ELP4: variants seen among roughly 807,000 people sequenced by gnomAD.
ELP4 encodes the protein elongator complex protein 4.
A neutral mutation model predicts 48.9 loss-of-function variants in ELP4; 51 were observed. The ratio of observed to expected loss-of-function variants is 1.04; its 90% CI spans 0.83 to 1.32. ELP4 has a LOEUF of 1.32. ELP4 is among the 40% of genes most tolerant of loss of function. ELP4 has a pLI of 0.00. For missense variants in ELP4, 519 were observed against 514.6 expected (o/e 1.01, Z -0.08); for synonymous variants, 210 against 189.2 (o/e 1.11, Z -0.90).
At chr11:31,682,119 C>T (rs1287165608) in intron 9 of ELP4, 11 of 1,207,466 alleles carry the variant, frequency 9.1e-6, no homozygotes, top group East Asian at 1.5e-4. Flanking sequence ...GTAATGTCAG[C>T]GTCCCATCCA....
At chr11:31,606,367 T>A (rs1203318495) in intron 5 of ELP4, among the ~76,000 whole-genome samples, 1 of 152,130 alleles carries the variant, frequency 6.6e-6, no homozygotes, top group Admixed American at 6.6e-5. Context: ...TTATCTATAC[T>A]TTTCCTATAA....
chr11:31,752,833 CAAAA>C (rs35352597), intron 9 of ELP4, among the ~76,000 whole-genome samples: 6 of 92,756 alleles, frequency 6.5e-5, no homozygotes, highest in Non-Finnish European at 9.9e-5. Flanking sequence ...GACTCCATCT[CAAAA>C]AAAAAAAAAA....
intron 3 of ELP4, among the ~76,000 whole-genome samples, chr11:31,548,791 T>C (rs1956782899): frequency 6.6e-6 from 1 of 152,118 alleles, no homozygotes; most frequent in Non-Finnish European, 1.5e-5. Context: ...AACAGAGATA[T>C]AGATCAATGG....
intron 3 of ELP4, chr11:31,573,467 G>A (rs1231320554): frequency 2.0e-5 from 3 of 152,084 alleles, no homozygotes. Context: ...TCACAGTTTT[G>A]GAGACTAGGA....
chr11:31,545,274 C>G (rs1161562701), intron 3 of ELP4, among the ~76,000 whole-genome samples: 1 of 152,056 alleles, frequency 6.6e-6, no homozygotes, highest in African/African-American at 2.4e-5. Flanking sequence ...ATAACCAATA[C>G]AGAGAACTGC....
At chr11:31,707,449 T>G (rs1351320918) in intron 9 of ELP4, 1 of 153,920 alleles carries the variant, frequency 6.5e-6, no homozygotes, top group African/African-American at 2.4e-5. Context: ...TTTTATTATT[T>G]CCCTTTATTC....
intron 9 of ELP4, among the ~76,000 whole-genome samples, chr11:31,710,346 C>T (rs1241488825): frequency 2.0e-5 from 3 of 152,054 alleles, no homozygotes; most frequent in East Asian, 1.9e-4. Context: ...AAATAAGGGC[C>T]GGGCATGGTG....
chr11:31,606,336 CAATA>C (rs1957874305), intron 5 of ELP4, among the ~76,000 whole-genome samples: 1 of 152,006 alleles, frequency 6.6e-6, no homozygotes, highest in Non-Finnish European at 1.5e-5. Context: ...ATTTATAAAA[CAATA>C]AAGCTAAGCC....
chr11:31,783,393 C>T lies in ELP4; in HGVS notation c.1144C>T (p.Arg382Ter). 6 of 1,609,742 alleles carry T rather than the reference C, an allele frequency of 3.7e-6. No individual in the cohort carries two copies. The highest frequency in any genetic ancestry group is 2.2e-5 in the East Asian group (1 of 44,856). ...KLKRKLFTIE[R>*]LHLPPDLSDT... ...CTTCTCCTGAAATCTTCTGCCATAG[C>T]GACTGCATTTGCCTCCAGACTTGTC... is the stretch of plus-strand genomic sequence containing the variant. Residue 382 changes from arginine (R) to a stop codon, truncating the protein, a stop_gained and splice_region_variant, in exon 10 of 10, where the codon CGA (arginine) becomes TGA (stop). Coordinates refer to ENST00000640961, the MANE Select transcript of ELP4 (RefSeq NM_019040.5). LOFTEE classifies it high-confidence loss of function.
intron 3 of ELP4, among the ~76,000 whole-genome samples, chr11:31,591,725 T>C (rs1269437770): frequency 6.6e-6 from 1 of 152,156 alleles, no homozygotes; most frequent in Non-Finnish European, 1.5e-5. Flanking sequence ...AAAAATGGAA[T>C]TATCCTGTGA....
intron 9 of ELP4, among the ~76,000 whole-genome samples, chr11:31,760,548 C>A (rs573852639): frequency 6.6e-6 from 1 of 152,072 alleles, no homozygotes; most frequent in Non-Finnish European, 1.5e-5. Flanking sequence ...CATTAGAAGA[C>A]GATATTTGTA....
chr11:31,673,851 T>C (rs905311289), intron 9 of ELP4, among the ~76,000 whole-genome samples: 13 of 152,250 alleles, frequency 8.5e-5, no homozygotes, highest in African/African-American at 3.1e-4. Flanking sequence ...ATTTACTTCT[T>C]GATTTTTTTG....
intron 3 of ELP4, among the ~76,000 whole-genome samples, chr11:31,570,665 G>A (rs962054028): frequency 1.3e-5 from 2 of 151,584 alleles, no homozygotes; most frequent in Non-Finnish European, 2.9e-5. Flanking sequence ...GTAGAGATGG[G>A]GTTGCACCAT....
At chr11:31,668,674 C>CCG (rs1565103530) in intron 9 of ELP4, among the ~76,000 whole-genome samples, 1 of 37,334 alleles carries the variant, frequency 2.7e-5, no homozygotes, top group African/African-American at 7.4e-5. Flanking sequence ...TCCTTTGGTA[C>CCG]CGTGTGTGTG....
At chr11:31,521,020 A>G (rs1489325838) in intron 2 of ELP4, among the ~76,000 whole-genome samples, 1 of 152,108 alleles carries the variant, frequency 6.6e-6, no homozygotes, top group African/African-American at 2.4e-5. Context: ...AGTACCAGGC[A>G]CCAAAAAGGT....
chr11:31,518,140 C>G (rs1956151175), intron 1 of ELP4, among the ~76,000 whole-genome samples: 2 of 146,424 alleles, frequency 1.4e-5, no homozygotes, highest in South Asian at 4.3e-4. Context: ...GAGTTTCGCT[C>G]TTGTTGCCCA....
intron 9 of ELP4, among the ~76,000 whole-genome samples, chr11:31,780,173 G>A (rs1341513438): frequency 6.6e-6 from 1 of 152,072 alleles, no homozygotes; most frequent in East Asian, 1.9e-4. Context: ...AGAGTATCTT[G>A]CAGCATTTTT....
chr11:31,749,435 A>G (rs1365567742), intron 9 of ELP4, among the ~76,000 whole-genome samples: 1 of 152,222 alleles, frequency 6.6e-6, no homozygotes, highest in African/African-American at 2.4e-5. Context: ...GGCCCTATAC[A>G]GTCACACTGA....
chr11:31,723,829 G>T lies in ELP4; in HGVS notation c.1144-59564G>T, dbSNP rs549628082. ...AGATCATATTTATAAACACTGTACA[G>T]TGTTCGAGGCTTTGTCTTAAAGCAA... On this transcript the variant is annotated intron_variant, in intron 9 of 9. Transcript: ENST00000640961. Among the ~76,000 whole-genome samples, 11 of 152,274 alleles carry T rather than the reference G, an allele frequency of 7.2e-5. No individual in the cohort carries two copies. The East Asian group carries it at 1.9e-3, about 27-fold the overall frequency.
Sources: gnomAD v4.1 joint callset for allele counts (sites outside exome capture counted in the v4.1 genomes callset) on GRCh38, gnomAD v4.1.1 for gene constraint, MANE v1.5 for transcripts, NCBI Gene and HGNC (gene_info 2026-07-23, HGNC 2026-07-21) for gene names.